The following CFH variants were observed in gnomAD, a reference collection of about 807,000 sequenced individuals.
The protein encoded by CFH is H factor 1 (complement).
A neutral mutation model predicts 147.3 loss-of-function variants in CFH; 53 were observed. That is an observed-to-expected ratio of 0.36 (90% CI 0.29 to 0.45). The LOEUF is 0.45. Ranked by LOEUF, CFH falls within the 20% of genes least tolerant of loss-of-function variation. The probability of loss-of-function intolerance (pLI) is 1.00; values close to 1 mark genes in which losing one functional copy is unlikely to be tolerated. For missense variants in CFH, 1,380 were observed against 1,498.0 expected (o/e 0.92, Z 1.30); for synonymous variants, 536 against 489.4 (o/e 1.10, Z -1.26).
At chr1:196,708,557 T>A (rs928015437) in intron 9 of CFH, among the ~76,000 whole-genome samples, 1 of 152,152 alleles carries the variant, frequency 6.6e-6, no homozygotes, top group African/African-American at 2.4e-5. Context: ...ACACAAATTC[T>A]GGGGAGCCTG....
intron 5 of CFH, chr1:196,678,364 T>C (rs1667528617): frequency 6.6e-6 from 1 of 152,060 alleles, no homozygotes; most frequent in African/African-American, 2.4e-5. Flanking sequence ...ATAAACATCG[T>C]GGTTGATTTG....
At chr1:196,724,586 C>T (rs111824681) in intron 11 of CFH, among the ~76,000 whole-genome samples, 5 of 152,150 alleles carry the variant, frequency 3.3e-5, no homozygotes, top group Non-Finnish European at 7.3e-5. Flanking sequence ...GCTCTTGCTT[C>T]TGTCTTTTTC....
chr1:196,656,731 C>T (rs574275248), intron 1 of CFH, among the ~76,000 whole-genome samples: 113 of 133,066 alleles, frequency 8.5e-4, no homozygotes, highest in African/African-American at 3.1e-3. Flanking sequence ...ATTGTACTGT[C>T]TCTTTGTGGC....
At chr1:196,708,831 T>A (rs1668655931) in intron 9 of CFH, among the ~76,000 whole-genome samples, 1 of 152,146 alleles carries the variant, frequency 6.6e-6, no homozygotes, top group Non-Finnish European at 1.5e-5. Flanking sequence ...CAAAAGGGAC[T>A]GCCAGGCATA....
chr1:196,654,634 A>G (rs893157376), intron 1 of CFH, among the ~76,000 whole-genome samples: 2 of 152,208 alleles, frequency 1.3e-5, no homozygotes, highest in African/African-American at 4.8e-5. Flanking sequence ...TGTGTACTAT[A>G]TGAAATTAGG....
intron 15 of CFH, among the ~76,000 whole-genome samples, chr1:196,733,234 G>A (rs762856512): frequency 2.6e-5 from 4 of 151,980 alleles, no homozygotes; most frequent in Admixed American, 6.6e-5. Context: ...GTGCAAGCTC[G>A]ATAGAGGCCA....
intron 11 of CFH, among the ~76,000 whole-genome samples, chr1:196,722,033 CTA>C (rs1334426220): frequency 6.6e-6 from 1 of 151,968 alleles, no homozygotes; most frequent in East Asian, 1.9e-4. Flanking sequence ...AACATTTAAT[CTA>C]TTTATGTTAA....
intron 9 of CFH, among the ~76,000 whole-genome samples, chr1:196,706,352 G>T (rs1668588142): frequency 6.6e-6 from 1 of 152,076 alleles, no homozygotes; most frequent in African/African-American, 2.4e-5. Flanking sequence ...ACCCAAGAAA[G>T]TAGCTATAAT....
chr1:196,716,944 A>G (rs1334609181), intron 11 of CFH, among the ~76,000 whole-genome samples: 1 of 152,110 alleles, frequency 6.6e-6, no homozygotes, highest in Non-Finnish European at 1.5e-5. Context: ...GAATATCATC[A>G]TATAAATGAT....
intron 6 of CFH, among the ~76,000 whole-genome samples, chr1:196,684,438 A>G (rs994256798): frequency 1.1e-4 from 17 of 151,978 alleles, no homozygotes; most frequent in Non-Finnish European, 1.8e-4. Flanking sequence ...TTCACTGTCA[A>G]TGTAGATCAG....
chr1:196,745,479 A>T (rs941651566), intron 20 of CFH, among the ~76,000 whole-genome samples: 4 of 152,038 alleles, frequency 2.6e-5, no homozygotes, highest in Non-Finnish European at 4.4e-5. Flanking sequence ...CCATTTTATA[A>T]TTCCTATGGG....
At chr1:196,705,641 T>C (rs747438887) in intron 9 of CFH, among the ~76,000 whole-genome samples, 14 of 152,192 alleles carry the variant, frequency 9.2e-5, no homozygotes, top group Admixed American at 3.3e-4. Context: ...GGGAATATCA[T>C]GAGGCCTGTA....
chr1:196,683,971 T>C (rs1467202014), intron 6 of CFH, among the ~76,000 whole-genome samples: 1 of 151,946 alleles, frequency 6.6e-6, no homozygotes, highest in Non-Finnish European at 1.5e-5. Context: ...CACAGCTTTT[T>C]AGTCCAAAAT....
rs552168378 is a variant in CFH, at chr1:196,694,691, G to A, written c.1336+4452G>A. 2.6e-5 allele frequency among the ~76,000 whole-genome samples: 4 copies of A among 152,148 alleles called. No homozygotes were observed. The South Asian group carries it at 6.2e-4, about 24-fold the overall frequency. ...TGGTTTCCAGATGTTTTAATGATCG[G>A]CATTCTAACTGGCGTGAATTGGTTT... On this transcript the variant is annotated intron_variant, in intron 9 of 21. Transcript: ENST00000367429.
chr1:196,723,339 C>T (rs1050919925), intron 11 of CFH, among the ~76,000 whole-genome samples: 1 of 151,976 alleles, frequency 6.6e-6, no homozygotes, highest in Non-Finnish European at 1.5e-5. Flanking sequence ...TGTTTGAGTA[C>T]CTTGGTTAGA....
At chr1:196,683,635 A>G (rs1243089258) in intron 6 of CFH, among the ~76,000 whole-genome samples, 6 of 151,886 alleles carry the variant, frequency 4.0e-5, no homozygotes, top group East Asian at 1.9e-4. Context: ...AGGAATAAAC[A>G]ATGGTTTAAA....
intron 9 of CFH, among the ~76,000 whole-genome samples, chr1:196,700,182 C>T (rs1360308013): frequency 6.6e-6 from 1 of 152,162 alleles, no homozygotes; most frequent in Non-Finnish European, 1.5e-5. Context: ...TCCAGCCACT[C>T]CCCCTTCAAA....
At chr1:196,655,096 A>G (rs1470259970) in intron 1 of CFH, among the ~76,000 whole-genome samples, 1 of 150,698 alleles carries the variant, frequency 6.6e-6, no homozygotes, top group Non-Finnish European at 1.5e-5. Flanking sequence ...AAATACACTG[A>G]ATACATATTT....
intron 18 of CFH, 79 bp from the exon 19 acceptor site, chr1:196,741,796 T>G: frequency 7.5e-7 from 1 of 1,330,058 alleles, no homozygotes; most frequent in Non-Finnish European, 1.1e-6. Flanking sequence ...TATATCGCTA[T>G]TTTAGAATCC....
Sources: allele counts gnomAD v4.1 joint callset (sites outside exome capture counted in the v4.1 genomes callset), GRCh38; gene constraint gnomAD v4.1.1; transcripts MANE v1.5; gene names NCBI Gene and HGNC (gene_info 2026-07-23, HGNC 2026-07-21).